Variants in NOMO1 observed in about 807,000 individuals in gnomAD.
The protein encoded by NOMO1 is nodal modulator 3.
A neutral mutation model predicts 133.8 loss-of-function variants in NOMO1; 40 were observed. That is an observed-to-expected ratio of 0.30 (90% CI 0.23 to 0.39). NOMO1 has a LOEUF of 0.39. Among genes scored for constraint, NOMO1 ranks in the 10% least tolerant of loss-of-function variants. NOMO1 has a pLI of 1.00. For synonymous variants in NOMO1, 236 were observed against 570.5 expected (o/e 0.41, Z 8.36); for missense variants, 462 against 1,419.9 (o/e 0.33, Z 10.84).
intron 11 of NOMO1, among the ~76,000 whole-genome samples, chr16:14,860,322 T>C (rs1348028654): frequency 6.7e-6 from 1 of 149,718 alleles, no homozygotes; most frequent in Non-Finnish European, 1.5e-5. Context: ...GAGCTGAGAT[T>C]GCACCATTGC....
At chr16:14,860,770 A>AT (rs564426165) in intron 11 of NOMO1, among the ~76,000 whole-genome samples, 7 of 152,082 alleles carry the variant, frequency 4.6e-5, no homozygotes, top group Non-Finnish European at 8.8e-5. Context: ...TTTGTTGAAC[A>AT]TTTTTGGAAA....
chr16:14,871,728 C>G, intron 17 of NOMO1, 44 bp downstream of exon 17: 1 of 1,528,548 alleles, frequency 6.5e-7, no homozygotes, highest in South Asian at 1.2e-5. Flanking sequence ...GTATACATTC[C>G]GTGGAGGATT....
chr16:14,883,926 C>T (rs1964281961), intron 26 of NOMO1, among the ~76,000 whole-genome samples: 1 of 150,868 alleles, frequency 6.6e-6, no homozygotes, highest in Non-Finnish European at 1.5e-5. Context: ...AATCTGGCTT[C>T]ATATATGAAA....
chr16:14,837,181 C>T (rs1963529619), intron 1 of NOMO1, among the ~76,000 whole-genome samples: 1 of 151,720 alleles, frequency 6.6e-6, no homozygotes, highest in South Asian at 2.1e-4. Flanking sequence ...TCATGCCTAG[C>T]TAATTTTTTT....
At chr16:14,866,267 T>A (rs1332648543) in intron 14 of NOMO1, among the ~76,000 whole-genome samples, 1 of 149,800 alleles carries the variant, frequency 6.7e-6, no homozygotes, top group Non-Finnish European at 1.5e-5. Flanking sequence ...GCTATGTTGG[T>A]CAGACTGGTC....
chr16:14,845,455 A>G (rs2076866363), intron 4 of NOMO1, among the ~76,000 whole-genome samples: 2 of 152,058 alleles, frequency 1.3e-5, no homozygotes, highest in Admixed American at 1.3e-4. Context: ...AGCTTCTCCC[A>G]GAGAGAGCAT....
At chr16:14,885,096 G>T (rs1312931672) in intron 27 of NOMO1, among the ~76,000 whole-genome samples, 1 of 152,044 alleles carries the variant, frequency 6.6e-6, no homozygotes, top group Non-Finnish European at 1.5e-5. Context: ...TAAATGATCA[G>T]ATCTCACAGG....
intron 11 of NOMO1, 84 bp from the exon 12 acceptor site, chr16:14,862,929 A>G (rs1963940679): frequency 6.3e-6 from 10 of 1,596,066 alleles, no homozygotes; most frequent in Admixed American, 1.7e-5. Flanking sequence ...GGGCTGGGAG[A>G]GGGCTGCATC....
intron 3 of NOMO1, among the ~76,000 whole-genome samples, chr16:14,843,489 T>A (rs1173998494): frequency 6.6e-6 from 1 of 151,930 alleles, no homozygotes; most frequent in Non-Finnish European, 1.5e-5. Context: ...GTACAAGGGT[T>A]TCCATTGCTC....
chr16:14,868,963 G>GTTGT, intron 16 of NOMO1, among the ~76,000 whole-genome samples: 1 of 149,800 alleles, frequency 6.7e-6, no homozygotes, highest in African/African-American at 2.5e-5. Flanking sequence ...TTTTGAGATG[G>GTTGT]AGTCTTGCTC....
intron 15 of NOMO1, among the ~76,000 whole-genome samples, chr16:14,867,176 ATTTTTTTT>A (rs1174703237): frequency 0.022 from 164 of 7,448 alleles, 2 homozygotes; most frequent in African/African-American, 0.04. Context: ...ATATATATAT[ATTTTTTTT>A]TTTTTTTTTT....
rs569872534 is a variant in NOMO1 at position 14,887,114 on chromosome 16, C to A, written c.3324+252C>A. On this transcript the variant is annotated intron_variant, in intron 28 of 30. Coordinates refer to ENST00000287667, the MANE Select transcript of NOMO1 (RefSeq NM_014287.4). ...TAAGCCCATCATCCAGAAATAGCCA[C>A]TGCTAACACGGTGATTGGTATCCTT... Among the ~76,000 whole-genome samples, 11 of 152,224 alleles carry A rather than the reference C, an allele frequency of 7.2e-5. No individual in the cohort carries two copies. The East Asian group carries it at 1.9e-3, about 27-fold the overall frequency.
intron 6 of NOMO1, among the ~76,000 whole-genome samples, chr16:14,850,776 C>T (rs1963746553): frequency 6.6e-6 from 1 of 151,828 alleles, no homozygotes; most frequent in Non-Finnish European, 1.5e-5. Context: ...TCTTCTGCAG[C>T]AACATTTAAA....
chr16:14,874,418 C>G (rs1212357915), intron 18 of NOMO1, among the ~76,000 whole-genome samples: 1 of 152,032 alleles, frequency 6.6e-6, no homozygotes, highest in East Asian at 1.9e-4. Flanking sequence ...TTTTCCCAAG[C>G]TACTGTTTAC....
At chr16:14,841,750 C>A (rs1963606889) in intron 3 of NOMO1, among the ~76,000 whole-genome samples, 1 of 151,752 alleles carries the variant, frequency 6.6e-6, no homozygotes, top group South Asian at 2.1e-4. Flanking sequence ...CTTTTTTAGC[C>A]CCCTCAGTTT....
chr16:14,857,254 G>C lies in NOMO1; in HGVS notation c.1001G>C (p.Arg334Thr), dbSNP rs1271978474. 3.7e-6 allele frequency: 6 copies of C among 1,603,504 alleles called. No individual in the cohort carries two copies. In the South Asian group the frequency reaches 6.6e-5, roughly 18 times the overall value. Residue 334 changes from arginine (R) to threonine (T), a missense_variant, in exon 10 of 31, where the codon AGG (arginine) becomes ACG (threonine). Arg to Thr is a moderately conservative substitution (Grantham distance 71). Transcript: ENST00000287667. ...FHVMGFSVTG[R>T]VLNGPEGDGV... is the part of the protein sequence containing the mutation. Reference sequence around the variant, plus strand: ...GTCATGGGATTCTCCGTCACCGGGAGGGTCTTGAACGGACCCGAAGGAGAT... The same window carrying C: ...GTCATGGGATTCTCCGTCACCGGGACGGTCTTGAACGGACCCGAAGGAGAT...
rs563399132 is a variant in NOMO1 at position 14,833,729 on chromosome 16, C to T, written c.-123C>T. The T allele has an allele frequency of 4.1e-5, 47 of 1,145,004 alleles. 1 individual carries two copies. The South Asian group carries it at 1.1e-3, about 27-fold the overall frequency. The allele number at this position is 1,145,004 out of a possible 1,614,324, so 70.9% of individuals were successfully genotyped here. On this transcript the variant is annotated 5_prime_UTR_variant, in exon 1 of 31. Coordinates refer to ENST00000287667, the MANE Select transcript of NOMO1 (RefSeq NM_014287.4). Reference sequence around the variant, plus strand: ...AAGCGCGCGTGCGCGGCGGCTCTGGCGGCGGCGGTGGGGCGGGGCCTGGGC... The same window carrying T: ...AAGCGCGCGTGCGCGGCGGCTCTGGTGGCGGCGGTGGGGCGGGGCCTGGGC...
At chr16:14,887,720 A>G (rs901992728) in intron 28 of NOMO1, among the ~76,000 whole-genome samples, 3 of 152,108 alleles carry the variant, frequency 2.0e-5, no homozygotes, top group African/African-American at 7.2e-5. Flanking sequence ...ATATCACCCC[A>G]TGCTTTCCTG....
At chr16:14,886,956 A>G (rs937948450) in intron 28 of NOMO1, 94 bp downstream of exon 28, 3 of 1,467,666 alleles carry the variant, frequency 2.0e-6, no homozygotes, top group Admixed American at 3.5e-5. Flanking sequence ...TTCTCCCTAA[A>G]TACCACTCTG....
Sources: gnomAD v4.1 joint callset for allele counts (sites outside exome capture counted in the v4.1 genomes callset) on GRCh38, gnomAD v4.1.1 for gene constraint, MANE v1.5 for transcripts, NCBI Gene and HGNC (gene_info 2026-07-23, HGNC 2026-07-21) for gene names.